Variants in CYP7B1 observed in about 807,000 individuals in gnomAD.
CYP7B1 encodes cytochrome P450 family 7 subfamily B member 1.
Under a neutral mutation model 42.7 loss-of-function variants are expected in CYP7B1, and 29 were observed. The ratio of observed to expected loss-of-function variants is 0.68; its 90% CI spans 0.51 to 0.93. CYP7B1 has a LOEUF of 0.93. CYP7B1 is among the 40% of genes least tolerant of loss of function. The probability of loss-of-function intolerance (pLI) is 0.00; values close to 1 mark genes in which losing one functional copy is unlikely to be tolerated. For missense variants in CYP7B1, 655 were observed against 600.5 expected, an observed-to-expected ratio of 1.09 and a Z score of -0.95; for synonymous variants, 235 against 218.2, an observed-to-expected ratio of 1.08 and a Z score of -0.68.
intron 1 of CYP7B1, among the ~76,000 whole-genome samples, chr8:64,698,335 G>T (rs920274104): frequency 6.6e-6 from 1 of 151,998 alleles, no homozygotes; most frequent in Non-Finnish European, 1.5e-5. Flanking sequence ...CAGCAGCAGG[G>T]GGGGGAAAAA....
chr8:64,641,013 G>T (rs969538556), intron 1 of CYP7B1, among the ~76,000 whole-genome samples: 5 of 152,150 alleles, frequency 3.3e-5, no homozygotes, highest in Non-Finnish European at 7.4e-5. Context: ...TAGCAAAGAG[G>T]CTGCTTAGCT....
downstream of CYP7B1, among the ~76,000 whole-genome samples, chr8:64,586,792 G>A (rs144716459): frequency 3.2e-4 from 49 of 152,266 alleles, no homozygotes; most frequent in Non-Finnish European, 3.2e-4. Flanking sequence ...TTTTTGTTGT[G>A]TGGGCAAAGT....
At chr8:64,662,939 A>G (rs914802121) in intron 1 of CYP7B1, among the ~76,000 whole-genome samples, 11 of 152,298 alleles carry the variant, frequency 7.2e-5, no homozygotes, top group Middle Eastern at 6.8e-3. Context: ...ATGTGAGTTC[A>G]CATTCCCTCA....
chr8:64,641,204 G>C (rs1408099953), intron 1 of CYP7B1, among the ~76,000 whole-genome samples: 1 of 152,194 alleles, frequency 6.6e-6, no homozygotes, highest in South Asian at 2.1e-4. Flanking sequence ...ACCAGACAGA[G>C]TGTGGTAGCT....
chr8:64,798,615 G>T lies in CYP7B1; in HGVS notation c.-28C>A. On this transcript the variant is annotated 5_prime_UTR_variant, in exon 1 of 6. The change creates a new upstream start codon in the 5' untranslated region. Coordinates refer to ENST00000310193, the MANE Select transcript of CYP7B1 (RefSeq NM_004820.5). ...GGCGCGCGCTAGGCCGCGGTGGGCA[G>T]CCCGGGGTCTGCCTGCGAACAGCGC... The T allele has an allele frequency of 6.9e-7, 1 of 1,450,168 alleles. No homozygotes were observed. Among genetic ancestry groups the T allele is most frequent in the Non-Finnish European group, 9.0e-7 (1 of 1,111,298 alleles). 89.8% of individuals were successfully genotyped at this position (1,450,168 alleles called of 1,614,324 possible). A position where few individuals can be genotyped will look rare whatever the true frequency, so the allele number is the denominator to read the frequency against.
At chr8:64,624,977 T>C (rs1271613192) in intron 1 of CYP7B1, among the ~76,000 whole-genome samples, 2 of 103,764 alleles carry the variant, frequency 1.9e-5, no homozygotes, top group African/African-American at 4.1e-5. Flanking sequence ...TTTTTTTTTT[T>C]TTTTTTTTTT....
intron 1 of CYP7B1, among the ~76,000 whole-genome samples, chr8:64,730,195 G>A (rs1227071392): frequency 6.6e-6 from 1 of 152,086 alleles, no homozygotes. Flanking sequence ...CCAAGTAGAT[G>A]GGACTACAGG....
intron 1 of CYP7B1, among the ~76,000 whole-genome samples, chr8:64,723,020 A>G (rs2129632911): frequency 6.6e-6 from 1 of 152,300 alleles, no homozygotes; most frequent in Non-Finnish European, 1.5e-5. Flanking sequence ...TTTTTCTGCT[A>G]AATACATTTG....
At chr8:64,608,040 G>C (rs899893798) in intron 4 of CYP7B1, among the ~76,000 whole-genome samples, 1 of 152,136 alleles carries the variant, frequency 6.6e-6, no homozygotes, top group Non-Finnish European at 1.5e-5. Flanking sequence ...TTCCCTCTAT[G>C]ATCTCACAAT....
At chr8:64,644,229 G>A (rs940715941) in intron 1 of CYP7B1, among the ~76,000 whole-genome samples, 22 of 149,834 alleles carry the variant, frequency 1.5e-4, no homozygotes, top group African/African-American at 2.9e-4. Context: ...CTGAGAGTGC[G>A]CCACTGCACT....
At chr8:64,752,567 C>A (rs1293546988) in intron 1 of CYP7B1, among the ~76,000 whole-genome samples, 1 of 151,960 alleles carries the variant, frequency 6.6e-6, no homozygotes, top group Admixed American at 6.6e-5. Context: ...TTATGTAGAG[C>A]TGAGGTAGGT....
intron 5 of CYP7B1, among the ~76,000 whole-genome samples, chr8:64,598,821 T>C (rs1000759457): frequency 1.3e-5 from 2 of 152,182 alleles, no homozygotes; most frequent in Admixed American, 6.5e-5. Flanking sequence ...GTAAACATCT[T>C]AGAAATTCCT....
chr8:64,648,009 T>C lies in CYP7B1; in HGVS notation c.123-23470A>G, dbSNP rs187996494. ...GCTGACAGATCCATTAATCAATGGATTAATCAATTCATTAATTCAAGCAAT... is the reference window on the plus strand; with the variant it reads ...GCTGACAGATCCATTAATCAATGGACTAATCAATTCATTAATTCAAGCAAT... On this transcript the variant is annotated intron_variant, in intron 1 of 5. Transcript: ENST00000310193. 5.8e-4 allele frequency among the ~76,000 whole-genome samples: 89 copies of C among 152,284 alleles called. No individual in the cohort carries two copies. In the East Asian group the frequency reaches 0.015, roughly 26 times the overall value.
chr8:64,640,035 T>C (rs1805829933), intron 1 of CYP7B1, among the ~76,000 whole-genome samples: 2 of 152,142 alleles, frequency 1.3e-5, no homozygotes, highest in African/African-American at 4.8e-5. Context: ...AAAAGCATTA[T>C]GCTAAGACAA....
rs1805064619 is a variant in CYP7B1 at position 64,593,235 on chromosome 8, GTGTGTGTGTGTGTGTGTGTGT to G, written c.*3386_*3406del. Among the ~76,000 whole-genome samples, 11 of 51,666 alleles carry G rather than the reference GTGTGTGTGTGTGTGTGTGTGT, an allele frequency of 2.1e-4. No homozygotes were observed. Among genetic ancestry groups the G allele is most frequent in the Admixed American group, 1.5e-3 (7 of 4,718 alleles). The allele number at this position is 51,666 out of a possible 152,430, so 33.9% of individuals were successfully genotyped here. On this transcript the variant is annotated 3_prime_UTR_variant, in exon 6 of 6. Coordinates refer to ENST00000310193, the MANE Select transcript of CYP7B1 (RefSeq NM_004820.5). The stretch of plus-strand genomic sequence containing the variant: ...TGGACTAAAGGCTAGGGCCCAGGGT[GTGTGTGTGTGTGTGTGTGTGT>G]GTGTGTGTGTGTGTGTGTGTGTGTG...
At chr8:64,614,951 T>C (rs1805411208) in intron 4 of CYP7B1, 75 bp downstream of exon 4, 3 of 1,435,736 alleles carry the variant, frequency 2.1e-6, no homozygotes, top group South Asian at 2.3e-5. Context: ...TACCTCTTGG[T>C]AAACAGCTAT....
intron 1 of CYP7B1, among the ~76,000 whole-genome samples, chr8:64,662,853 C>A (rs145157281): frequency 2.8e-4 from 42 of 152,204 alleles, no homozygotes; most frequent in African/African-American, 9.4e-4. Context: ...GGATTCCAAC[C>A]GAGTATGTTT....
At chr8:64,741,427 C>T (rs1374239304) in intron 1 of CYP7B1, among the ~76,000 whole-genome samples, 5 of 152,052 alleles carry the variant, frequency 3.3e-5, no homozygotes, top group Non-Finnish European at 5.9e-5. Flanking sequence ...TCAAGTGATT[C>T]TCCTGCCTCA....
At chr8:64,702,660 C>T (rs1806935306) in intron 1 of CYP7B1, among the ~76,000 whole-genome samples, 3 of 152,060 alleles carry the variant, frequency 2.0e-5, no homozygotes, top group East Asian at 3.9e-4. Flanking sequence ...GACTGACAAG[C>T]GCGCTTCATT....
Sources: gnomAD v4.1 joint callset for allele counts (sites outside exome capture counted in the v4.1 genomes callset) on GRCh38, gnomAD v4.1.1 for gene constraint, MANE v1.5 for transcripts, NCBI Gene and HGNC (gene_info 2026-07-23, HGNC 2026-07-21) for gene names.